The following SLC25A42 variants were observed in gnomAD, a reference collection of about 807,000 sequenced individuals.
SLC25A42 encodes the protein solute carrier family 25 member 42, also known as mitochondrial coenzyme A transporter SLC25A42.
In SLC25A42, 19 loss-of-function variants were observed where a neutral mutation model predicts 34.7. That is an observed-to-expected ratio of 0.55 (90% CI 0.38 to 0.80). SLC25A42 has a LOEUF of 0.80. Among genes scored for constraint, SLC25A42 ranks in the 30% least tolerant of loss-of-function variants. The probability of loss-of-function intolerance (pLI) is 0.00; values close to 1 mark genes in which losing one functional copy is unlikely to be tolerated. For missense variants in SLC25A42, 364 were observed against 441.3 expected (o/e 0.82, Z 1.57); for synonymous variants, 205 against 191.2 (o/e 1.07, Z -0.59).
rs776560035 is a variant in SLC25A42 at position 19,096,061 on chromosome 19, G to A, written c.-34-30G>A. 3.4e-5 allele frequency: 48 copies of A among 1,423,746 alleles called. No individual in the cohort carries two copies. In the Middle Eastern group the frequency reaches 5.2e-4, roughly 15 times the overall value. 88.2% of individuals were successfully genotyped at this position (1,423,746 alleles called of 1,614,324 possible). ...ACCCACCATCTCTCAGGATCTCGCC[G>A]TATCTTACCACCTCCCCTTACCCCC... On this transcript the variant is annotated intron_variant, in intron 1 of 7. Transcript: ENST00000318596.
chr19:19,078,321 C>T lies in SLC25A42; in HGVS notation c.-35+14206C>T, dbSNP rs889503326. ...CCCACTTGCATTCAGCATGAAGGTG[C>T]GTATGCCTGACACAGCCTCAGCCTG... On this transcript the variant is annotated intron_variant, in intron 1 of 7. Transcript: ENST00000318596. Among the ~76,000 whole-genome samples, 4 of 152,174 alleles carry T rather than the reference C, an allele frequency of 2.6e-5. No individual in the cohort carries two copies. In the East Asian group the frequency reaches 7.7e-4, roughly 29 times the overall value.
intron 1 of SLC25A42, among the ~76,000 whole-genome samples, chr19:19,074,090 A>C (rs114654217): frequency 0.014 from 2,174 of 152,314 alleles, 47 homozygotes; most frequent in African/African-American, 0.047. Flanking sequence ...AGTACCTTGG[A>C]TTGTTTTAGA....
chr19:19,072,080 T>C (rs2059633481), intron 1 of SLC25A42, among the ~76,000 whole-genome samples: 1 of 152,086 alleles, frequency 6.6e-6, no homozygotes, highest in Non-Finnish European at 1.5e-5. Flanking sequence ...CTCCAATTCC[T>C]GGGCTCGAGC....
Position 19,106,377 on chromosome 19 carries a change from G to A in SLC25A42, c.489G>A (p.Pro163=). ...DLVRARMAVT[P]KEMYSNIFHV... ...TCAGAGCGCGGATGGCCGTAACCCCGAAGGAAATGTGAGTCCTTACATCGG... is the reference window on the plus strand; with the variant it reads ...TCAGAGCGCGGATGGCCGTAACCCCAAAGGAAATGTGAGTCCTTACATCGG... Residue 163 remains proline (P), a synonymous_variant, in exon 6 of 8, where the codon CCG becomes CCA. Coordinates refer to ENST00000318596, the MANE Select transcript of SLC25A42 (RefSeq NM_178526.5). 1 of 1,611,348 alleles carries A rather than the reference G, an allele frequency of 6.2e-7. No homozygotes were observed. Among genetic ancestry groups the A allele is most frequent in the Non-Finnish European group, 8.5e-7 (1 of 1,178,334 alleles).
rs573443925 is a variant in SLC25A42, at chr19:19,108,483, A to G, written c.649+438A>G. ...AGGATCACCCAAGCCTGGGAGGTCA[A>G]GGCCGCAGTGAGCTGTGATCTCACT... On this transcript the variant is annotated intron_variant, in intron 7 of 7. Transcript: ENST00000318596. Among the ~76,000 whole-genome samples the G allele has an allele frequency of 1.1e-4, 16 of 152,192 alleles. No homozygotes were observed. The East Asian group carries it at 2.9e-3, about 28-fold the overall frequency.
rs10417974 is a variant in SLC25A42 at position 19,111,261 on chromosome 19, C to T, written c.*385C>T. The T allele has an allele frequency of 0.79, 190,287 of 242,172 alleles. 75,582 individuals are homozygous for T. The highest frequency in any genetic ancestry group is 0.91 in the East Asian group (6,847 of 7,544). The allele number at this position is 242,172 out of a possible 1,614,324, so 15.0% of individuals were successfully genotyped here. A position where few individuals can be genotyped will look rare whatever the true frequency, so the allele number is the denominator to read the frequency against. On this transcript the variant is annotated 3_prime_UTR_variant, in exon 8 of 8. Transcript: ENST00000318596. ...GTCCCCACCAGGCTCAGAGCCAGAC[C>T]GCGCCTGGACCTTCTTGTTCTGACT...
At chr19:19,106,247 C>T (rs778078220) in intron 5 of SLC25A42, 22 bp from the exon 6 acceptor site, 13 of 1,599,096 alleles carry the variant, frequency 8.1e-6, no homozygotes, top group Middle Eastern at 1.8e-4. Context: ...GCCGTCTCGC[C>T]TTCTCCTCCT....
In SLC25A42 at chr19:19,107,822, G is replaced by A. The variant is rs533083885; in HGVS notation, c.498-72G>A. 2.9e-5 allele frequency: 45 copies of A among 1,562,744 alleles called. No individual in the cohort carries two copies. In the East Asian group the frequency reaches 8.3e-4, roughly 29 times the overall value. On this transcript the variant is annotated intron_variant, in intron 6 of 7. Coordinates refer to ENST00000318596, the MANE Select transcript of SLC25A42 (RefSeq NM_178526.5). ...GGCCCAGCCGGCTTCGGGAGGAGCCGAGAGCCTCTGTGGCTCCTCCCTGTG... is the reference window on the plus strand; with the variant it reads ...GGCCCAGCCGGCTTCGGGAGGAGCCAAGAGCCTCTGTGGCTCCTCCCTGTG...
intron 2 of SLC25A42, among the ~76,000 whole-genome samples, chr19:19,097,492 A>AG (rs1169150470): frequency 6.6e-6 from 1 of 152,238 alleles, no homozygotes; most frequent in Non-Finnish European, 1.5e-5. Context: ...AGCTTGAGGC[A>AG]GCGGTGGCTG....
At chr19:19,105,782 C>G in intron 5 of SLC25A42, 55 bp downstream of exon 5, 4 of 1,423,584 alleles carry the variant, frequency 2.8e-6, no homozygotes, top group Non-Finnish European at 3.8e-6. Context: ...CCGCCCCTCT[C>G]TCTTTCTTCT....
chr19:19,078,082 T>G (rs2059663713), intron 1 of SLC25A42, among the ~76,000 whole-genome samples: 1 of 152,016 alleles, frequency 6.6e-6, no homozygotes. Flanking sequence ...GTCCATAGAG[T>G]GTGCTCATCA....
At chr19:19,096,644 G>A (rs1028312088) in intron 2 of SLC25A42, among the ~76,000 whole-genome samples, 1 of 152,004 alleles carries the variant, frequency 6.6e-6, no homozygotes, top group Non-Finnish European at 1.5e-5. Flanking sequence ...GAACACTAAG[G>A]AATTAGCCAA....
In SLC25A42 at chr19:19,109,309, A is replaced by C. The variant is rs891578655; in HGVS notation, c.650-1260A>C. Among the ~76,000 whole-genome samples the C allele has an allele frequency of 1.3e-5, 2 of 152,116 alleles. No individual in the cohort carries two copies. The highest frequency in any genetic ancestry group is 2.9e-5 in the Non-Finnish European group (2 of 68,030). Reference sequence around the variant, plus strand: ...AGCTCGTCTCCTTGTGTGACTGTAAAACCCCATTTTCGGTGTTTCTCTCTG... The same window carrying C: ...AGCTCGTCTCCTTGTGTGACTGTAACACCCCATTTTCGGTGTTTCTCTCTG... On this transcript the variant is annotated intron_variant, in intron 7 of 7. Coordinates refer to ENST00000318596, the MANE Select transcript of SLC25A42 (RefSeq NM_178526.5). The surrounding 1 kb of genome is among the most constrained non-coding windows in gnomAD (Gnocchi z 4.1).
At chr19:19,096,943 A>C (rs1249055358) in intron 2 of SLC25A42, among the ~76,000 whole-genome samples, 1 of 151,136 alleles carries the variant, frequency 6.6e-6, no homozygotes, top group African/African-American at 2.4e-5. Flanking sequence ...TCTCAAAAAC[A>C]AAAAAAAAGA....
Position 19,096,215 on chromosome 19 carries a change from C to G in SLC25A42, c.81+10C>G. The G allele has an allele frequency of 6.2e-7, 1 of 1,605,614 alleles. No individual in the cohort carries two copies. Among genetic ancestry groups the G allele is most frequent in the Non-Finnish European group, 8.5e-7 (1 of 1,173,072 alleles). ...GTCCGTCTCATCAAAGGCAAGTACCCCGGCCTCCTGGGATGGGTGTTCTCC... is the reference window on the plus strand; with the variant it reads ...GTCCGTCTCATCAAAGGCAAGTACCGCGGCCTCCTGGGATGGGTGTTCTCC... On this transcript the variant is annotated intron_variant, in intron 2 of 7. Coordinates refer to ENST00000318596, the MANE Select transcript of SLC25A42 (RefSeq NM_178526.5).
Position 19,110,920 on chromosome 19 carries a change from T to C in SLC25A42, c.*44T>C. On this transcript the variant is annotated 3_prime_UTR_variant, in exon 8 of 8. Coordinates refer to ENST00000318596, the MANE Select transcript of SLC25A42 (RefSeq NM_178526.5). ...CAGGACGGTGGACCGGTGACCCCTT[T>C]GTATTCTGGGCCCATGGAACGGTGG... The C allele has an allele frequency of 6.2e-7, 1 of 1,604,400 alleles. No individual in the cohort carries two copies. The highest frequency in any genetic ancestry group is 8.5e-7 in the Non-Finnish European group (1 of 1,173,566).
chr19:19,082,303 C>T (rs2059685371), intron 1 of SLC25A42, among the ~76,000 whole-genome samples: 1 of 152,212 alleles, frequency 6.6e-6, no homozygotes, highest in Admixed American at 6.5e-5. Context: ...CCTCTCCCTC[C>T]ACCTCTAAAG....
intron 2 of SLC25A42, 73 bp from the exon 3 acceptor site, chr19:19,101,708 G>A (rs2059797203): frequency 1.5e-6 from 2 of 1,349,304 alleles, no homozygotes; most frequent in Admixed American, 2.0e-5. Flanking sequence ...TGTAAGGAAG[G>A]CACTTCTGGG....
At position 19,106,293 on chromosome 19, in the gene SLC25A42, C is replaced by T. The variant is rs1285964966; in HGVS notation, c.405C>T (p.Leu135=). The part of the protein sequence containing the change: ...RGEALPPWPR[L]FAGALAGTTA... ...GAGCCCTGCCCCCTTGGCCTCGCCT[C>T]TTCGCCGGCGCACTGGCTGGAACGA... Residue 135 remains leucine (L), a synonymous_variant, in exon 6 of 8, where the codon CTC becomes CTT. Transcript: ENST00000318596. 1 of 1,612,976 alleles carries T rather than the reference C, an allele frequency of 6.2e-7. No individual in the cohort carries two copies. The highest frequency in any genetic ancestry group is 1.1e-5 in the South Asian group (1 of 91,068).
Sources: allele counts gnomAD v4.1 joint callset (sites outside exome capture counted in the v4.1 genomes callset), GRCh38; gene constraint gnomAD v4.1.1; non-coding constraint Gnocchi (gnomAD v3.1); transcripts MANE v1.5; gene names NCBI Gene and HGNC (gene_info 2026-07-23, HGNC 2026-07-21).